Variants in NLGN4Y observed in about 807,000 individuals in gnomAD.
The protein encoded by NLGN4Y is neuroligin-4, Y-linked.
In NLGN4Y, 4 loss-of-function variants were observed where a neutral mutation model predicts 8.4. The ratio of observed to expected loss-of-function variants is 0.48; its 90% CI spans 0.23 to 1.09. The LOEUF (loss-of-function observed/expected upper bound fraction) is 1.09. Among genes scored for constraint, NLGN4Y ranks in the 50% least tolerant of loss-of-function variants. The probability of loss-of-function intolerance (pLI) is 0.19; values close to 1 mark genes in which losing one functional copy is unlikely to be tolerated. For synonymous variants in NLGN4Y, 35 were observed against 75.6 expected (o/e 0.46, Z 2.78); for missense variants, 90 against 192.3 (o/e 0.47, Z 3.15).
chrY:14,588,605 T>C, intron 1 of NLGN4Y, among the ~76,000 whole-genome samples: 1 of 33,947 alleles, frequency 2.9e-5, no homozygotes, highest in Non-Finnish European at 7.3e-5. Context: ...GGGATCTTTA[T>C]GTAAGGTATG....
chrY:14,529,861 T>C, intron 1 of NLGN4Y, among the ~76,000 whole-genome samples: 1 of 29,523 alleles, frequency 3.4e-5, no homozygotes, highest in South Asian at 8.0e-4. Context: ...GCCAACACAC[T>C]AACTAGGAAC....
intron 2 of NLGN4Y, among the ~76,000 whole-genome samples, chrY:14,633,501 T>C (rs2080555670): frequency 3.0e-5 from 1 of 33,128 alleles, no homozygotes; most frequent in Non-Finnish European, 7.4e-5. Context: ...CAAATTTTTG[T>C]ATTTTTAGTA....
intron 1 of NLGN4Y, among the ~76,000 whole-genome samples, chrY:14,613,405 A>G (rs2080476135): frequency 3.0e-5 from 1 of 33,266 alleles, no homozygotes; most frequent in South Asian, 6.9e-4. Flanking sequence ...GTCTGCCCAA[A>G]TGGCTGCCCA....
chrY:14,689,946 G>C, intron 2 of NLGN4Y, among the ~76,000 whole-genome samples: 2 of 33,234 alleles, frequency 6.0e-5, no homozygotes, highest in Admixed American at 5.5e-4. Context: ...ATTTCACCAG[G>C]TTTGGTGTTG....
chrY:14,571,198 G>C, intron 1 of NLGN4Y, among the ~76,000 whole-genome samples: 1 of 33,455 alleles, frequency 3.0e-5, no homozygotes, highest in Non-Finnish European at 7.4e-5. Context: ...GGTTGAACTA[G>C]TTTATAGTAC....
At chrY:14,546,410 C>T (rs2080172616) in intron 1 of NLGN4Y, among the ~76,000 whole-genome samples, 1 of 32,722 alleles carries the variant, frequency 3.1e-5, no homozygotes, top group Non-Finnish European at 7.5e-5. Context: ...TACCCATGAG[C>T]ATGGAATGTT....
chrY:14,826,932 A>T (rs539087272), intron 5 of NLGN4Y, among the ~76,000 whole-genome samples: 586 of 32,982 alleles, frequency 0.018, no homozygotes, highest in South Asian at 0.035. Context: ...AAATAAAATT[A>T]AAAAAATACC....
intron 4 of NLGN4Y, among the ~76,000 whole-genome samples, chrY:14,736,449 A>G (rs2080991912): frequency 3.0e-5 from 1 of 33,060 alleles, no homozygotes; most frequent in African/African-American, 1.2e-4. Context: ...TTTTGAGTTA[A>G]TGCTGAATGA....
chrY:14,663,744 A>T (rs936876814), intron 2 of NLGN4Y, among the ~76,000 whole-genome samples: 1 of 32,465 alleles, frequency 3.1e-5, no homozygotes, highest in Non-Finnish European at 7.5e-5. Context: ...CGGGAGGCAG[A>T]GGTTGCAATG....
chrY:14,555,106 C>T, intron 1 of NLGN4Y, among the ~76,000 whole-genome samples: 2 of 33,213 alleles, frequency 6.0e-5, no homozygotes, highest in African/African-American at 2.4e-4. Context: ...TTTGGAGTCA[C>T]AAGCTTTCAA....
intron 2 of NLGN4Y, among the ~76,000 whole-genome samples, chrY:14,625,246 C>A: frequency 6.1e-5 from 2 of 32,934 alleles, no homozygotes; most frequent in African/African-American, 2.4e-4. Context: ...TGAGTCTTTT[C>A]GTTCAAATTG....
At chrY:14,624,621 T>A (rs2150508982) in intron 2 of NLGN4Y, among the ~76,000 whole-genome samples, 1 of 33,658 alleles carries the variant, frequency 3.0e-5, no homozygotes, top group South Asian at 6.7e-4. Flanking sequence ...GTGTAAACTT[T>A]AAAATTTTGC....
chrY:14,620,882 T>C, intron 1 of NLGN4Y, among the ~76,000 whole-genome samples: 2 of 33,468 alleles, frequency 6.0e-5, no homozygotes, highest in African/African-American at 2.3e-4. Flanking sequence ...CCTTTAAAAG[T>C]TGACTCCAGT....
intron 1 of NLGN4Y, among the ~76,000 whole-genome samples, chrY:14,596,768 G>A: frequency 3.0e-5 from 1 of 33,206 alleles, no homozygotes; most frequent in Non-Finnish European, 7.4e-5. Context: ...TTTAGCCCCC[G>A]AATTCTAAGG....
chrY:14,727,619 G>A (rs17222279), intron 4 of NLGN4Y, among the ~76,000 whole-genome samples: 185 of 33,276 alleles, frequency 5.6e-3, no homozygotes, highest in Non-Finnish European at 9.8e-3. Context: ...GGTATAACTG[G>A]ACATGGAATG....
At chrY:14,749,368 A>T in intron 4 of NLGN4Y, among the ~76,000 whole-genome samples, 1 of 32,915 alleles carries the variant, frequency 3.0e-5, no homozygotes, top group Non-Finnish European at 7.4e-5. Flanking sequence ...TTTCTCATGC[A>T]TCCAGTAGAA....
chrY:14,668,437 G>A, intron 2 of NLGN4Y, among the ~76,000 whole-genome samples: 1 of 33,407 alleles, frequency 3.0e-5, no homozygotes, highest in Non-Finnish European at 7.4e-5. Context: ...AGCATGTTGT[G>A]AGAATAATGC....
At chrY:14,727,438 T>C in intron 4 of NLGN4Y, among the ~76,000 whole-genome samples, 1 of 33,576 alleles carries the variant, frequency 3.0e-5, no homozygotes, top group African/African-American at 1.2e-4. Flanking sequence ...TAGATAAATG[T>C]GATTTTTGTA....
chrY:14,788,144 G>A (rs758468357), intron 4 of NLGN4Y, among the ~76,000 whole-genome samples: 4 of 33,558 alleles, frequency 1.2e-4, no homozygotes, highest in African/African-American at 4.6e-4. Flanking sequence ...AAGTTTATCC[G>A]GAGGATTCAC....
Sources: gnomAD v4.1 joint callset for allele counts (sites outside exome capture counted in the v4.1 genomes callset) on GRCh38, gnomAD v4.1.1 for gene constraint, MANE v1.5 for transcripts, NCBI Gene and HGNC (gene_info 2026-07-23, HGNC 2026-07-21) for gene names.